Variants in AHI1 observed in about 807,000 individuals in gnomAD.
The protein encoded by AHI1 is Abelson helper integration site 1, also known as jouberin.
In AHI1, 123 loss-of-function variants were observed where a neutral mutation model predicts 149.3. The ratio of observed to expected loss-of-function variants is 0.82; its 90% CI spans 0.71 to 0.96. The LOEUF (loss-of-function observed/expected upper bound fraction) is 0.96, where lower values mean the gene tolerates loss of function less well. AHI1 is among the 40% of genes least tolerant of loss of function. The pLI is 0.00. For missense variants in AHI1, 1,439 were observed against 1,422.7 expected, an observed-to-expected ratio of 1.01 and a Z score of -0.18; for synonymous variants, 475 against 459.8, an observed-to-expected ratio of 1.03 and a Z score of -0.42.
intron 7 of AHI1, 46 bp downstream of exon 7, chr6:135,465,768 A>G: frequency 7.2e-7 from 1 of 1,384,870 alleles, no homozygotes. Flanking sequence ...TGAAAATAAC[A>G]GTGTTTTTCT....
At chr6:135,437,399 T>C (rs1042518410) in intron 15 of AHI1, among the ~76,000 whole-genome samples, 6 of 152,152 alleles carry the variant, frequency 3.9e-5, no homozygotes, top group Non-Finnish European at 2.9e-5. Context: ...AAAGAACAGA[T>C]CAGATAGTTT....
intron 8 of AHI1, among the ~76,000 whole-genome samples, chr6:135,460,175 C>G (rs1789647421): frequency 6.6e-6 from 1 of 151,924 alleles, no homozygotes; most frequent in Non-Finnish European, 1.5e-5. Context: ...AGGGCAAGAC[C>G]CTGTCTCAAA....
intron 24 of AHI1, among the ~76,000 whole-genome samples, chr6:135,340,384 C>T (rs533857659): frequency 9.4e-5 from 14 of 148,396 alleles, no homozygotes; most frequent in African/African-American, 3.2e-4. Context: ...AAACAAAAAC[C>T]AAAACAAAAA....
chr6:135,455,734 C>T lies in AHI1; in HGVS notation c.1344G>A (p.Glu448=). Residue 448 remains glutamate, a splice_region_variant and synonymous_variant, in exon 10 of 29, where the codon GAG becomes GAA. Transcript: ENST00000265602. ...TTGAATTGGTCCATTCAATTCATAC[C>T]TCAAAGAACAGGATGACTTTAGGAC... The part of the protein sequence containing the change: ...DESPKVILFF[E]ILDFLSVDEI... 1 of 1,575,280 alleles carries T rather than the reference C, an allele frequency of 6.3e-7. No individual in the cohort carries two copies. The highest frequency in any genetic ancestry group is 2.3e-5 in the East Asian group (1 of 44,244).
chr6:135,306,406 T>C (rs189715067), intron 26 of AHI1, among the ~76,000 whole-genome samples: 1 of 152,222 alleles, frequency 6.6e-6, no homozygotes, highest in East Asian at 1.9e-4. Flanking sequence ...GGATTCATAT[T>C]ATATGGCCTC....
chr6:135,496,158 C>T (rs570424735), intron 2 of AHI1, among the ~76,000 whole-genome samples: 10 of 152,020 alleles, frequency 6.6e-5, no homozygotes, highest in African/African-American at 2.2e-4. Flanking sequence ...GCTCTGTTGC[C>T]CAGGTTGGAG....
At position 135,355,934 on chromosome 6, in the gene AHI1, T is replaced by C. The variant is rs551756636; in HGVS notation, c.3165+2198A>G. Among the ~76,000 whole-genome samples, 3 of 152,144 alleles carry C rather than the reference T, an allele frequency of 2.0e-5. No homozygotes were observed. In the South Asian group the frequency reaches 6.2e-4, roughly 32 times the overall value. On this transcript the variant is annotated intron_variant, in intron 24 of 28. Transcript: ENST00000265602. ...ACAAACAAACAAACAAACATATCTT[T>C]CCCTTGAAAAGAGGTCTGATAAATT... is the stretch of plus-strand genomic sequence containing the variant.
chr6:135,397,784 C>T (rs1779434355), intron 22 of AHI1, among the ~76,000 whole-genome samples: 1 of 152,002 alleles, frequency 6.6e-6, no homozygotes, highest in Non-Finnish European at 1.5e-5. Context: ...ACTTACAAGT[C>T]TACCCTTTTA....
chr6:135,411,847 A>T (rs1781642794), intron 20 of AHI1, among the ~76,000 whole-genome samples: 1 of 152,214 alleles, frequency 6.6e-6, no homozygotes, highest in East Asian at 1.9e-4. Context: ...AAGGCATAAC[A>T]GAATTAAGGG....
chr6:135,425,167 C>T (rs1783754671), intron 20 of AHI1, among the ~76,000 whole-genome samples: 1 of 151,748 alleles, frequency 6.6e-6, no homozygotes, highest in Non-Finnish European at 1.5e-5. Flanking sequence ...GGTGTGTTTG[C>T]ATATCAAAAA....
intron 7 of AHI1, 120 bp downstream of exon 7, chr6:135,465,694 G>A: frequency 1.3e-6 from 1 of 799,346 alleles, no homozygotes; most frequent in Non-Finnish European, 1.8e-6. Flanking sequence ...TTATCTTAGT[G>A]ACAATGTCTC....
At chr6:135,479,145 A>G (rs1793192711) in intron 5 of AHI1, among the ~76,000 whole-genome samples, 1 of 152,264 alleles carries the variant, frequency 6.6e-6, no homozygotes, top group South Asian at 2.1e-4. Context: ...AGTGCAGAAG[A>G]GAAATGAGGG....
At chr6:135,296,241 T>G (rs760635539) in intron 27 of AHI1, among the ~76,000 whole-genome samples, 34 of 152,362 alleles carry the variant, frequency 2.2e-4, no homozygotes, top group Non-Finnish European at 4.4e-4. Flanking sequence ...ACTAACTTCA[T>G]GGCTCCCACT....
At chr6:135,457,900 T>C (rs1013624522) in intron 8 of AHI1, among the ~76,000 whole-genome samples, 187 bp from the exon 9 acceptor site, 1 of 151,986 alleles carries the variant, frequency 6.6e-6, no homozygotes, top group Non-Finnish European at 1.5e-5. Flanking sequence ...TGCTAATACA[T>C]TACAAATAAG....
At chr6:135,432,139 A>C (rs999053961) in intron 16 of AHI1, among the ~76,000 whole-genome samples, 18 of 151,984 alleles carry the variant, frequency 1.2e-4, no homozygotes, top group African/African-American at 4.4e-4. Flanking sequence ...GTCTTTCCTG[A>C]ATATGTTCCA....
intron 23 of AHI1, among the ~76,000 whole-genome samples, chr6:135,363,551 A>G (rs1260234018): frequency 6.6e-6 from 1 of 152,052 alleles, no homozygotes; most frequent in African/African-American, 2.4e-5. Flanking sequence ...CCTGTTCTCA[A>G]TGAGCTGTTG....
At position 135,398,342 on chromosome 6, in the gene AHI1, G is replaced by A. The variant is rs546404202; in HGVS notation, c.2989-3446C>T. On this transcript the variant is annotated intron_variant, in intron 22 of 28. Transcript: ENST00000265602. ...TGTTTTCTTTACAAGCCAGGACAGA[G>A]AAGTGAAGGATTTGGAAGACAACAC... is the stretch of plus-strand genomic sequence containing the variant. 9.2e-5 allele frequency among the ~76,000 whole-genome samples: 14 copies of A among 152,108 alleles called. No individual in the cohort carries two copies. In the South Asian group the frequency reaches 1.7e-3, roughly 18 times the overall value.
intron 24 of AHI1, among the ~76,000 whole-genome samples, chr6:135,325,904 A>T (rs1229071873): frequency 6.6e-6 from 1 of 152,182 alleles, no homozygotes; most frequent in African/African-American, 2.4e-5. Context: ...CACTGTGTGA[A>T]CCTCGGAAAG....
At chr6:135,353,070 T>C (rs1342197487) in intron 24 of AHI1, among the ~76,000 whole-genome samples, 4 of 151,952 alleles carry the variant, frequency 2.6e-5, no homozygotes, top group Non-Finnish European at 1.5e-5. Context: ...CAGTGGAGTA[T>C]GCTAATGGGA....
Sources: allele counts gnomAD v4.1 joint callset (sites outside exome capture counted in the v4.1 genomes callset), GRCh38; gene constraint gnomAD v4.1.1; transcripts MANE v1.5; gene names NCBI Gene and HGNC (gene_info 2026-07-23, HGNC 2026-07-21).